The following ATP11B variants were observed in gnomAD, a reference collection of about 807,000 sequenced individuals.
ATP11B encodes ATPase phospholipid transporting 11B (putative).
ATP11B carries 81 observed loss-of-function variants against 157.8 expected under a neutral mutation model. The observed-to-expected ratio is 0.51, with a 90% CI of 0.43 to 0.62. ATP11B has a LOEUF of 0.62. Ranked by LOEUF, ATP11B falls within the 20% of genes least tolerant of loss-of-function variation. ATP11B has a pLI of 0.00. For missense variants in ATP11B, 1,165 were observed against 1,402.2 expected, an observed-to-expected ratio of 0.83 and a Z score of 2.70; for synonymous variants, 451 against 469.4, an observed-to-expected ratio of 0.96 and a Z score of 0.51.
intron 1 of ATP11B, among the ~76,000 whole-genome samples, chr3:182,815,985 C>T (rs1431976110): frequency 6.6e-6 from 1 of 152,126 alleles, no homozygotes; most frequent in Non-Finnish European, 1.5e-5. Context: ...CTCCAGGTCT[C>T]ATTCAGTTTG....
chr3:182,861,065 C>T (rs1006562442), intron 12 of ATP11B, among the ~76,000 whole-genome samples: 59 of 137,422 alleles, frequency 4.3e-4, no homozygotes, highest in Non-Finnish European at 7.6e-4. Flanking sequence ...AACAATAATA[C>T]TTTTTTTTTT....
intron 10 of ATP11B, among the ~76,000 whole-genome samples, chr3:182,850,459 C>T (rs1000940175): frequency 4.0e-5 from 6 of 151,514 alleles, no homozygotes; most frequent in Admixed American, 6.6e-5. Flanking sequence ...GGCAACAGAG[C>T]GAGACTCCAT....
chr3:182,858,360 A>G (rs566226916), intron 11 of ATP11B, among the ~76,000 whole-genome samples: 64 of 152,342 alleles, frequency 4.2e-4, no homozygotes, highest in African/African-American at 1.5e-3. Context: ...TAAATGAATC[A>G]AAGAGTAAAT....
At chr3:182,886,117 C>G in intron 23 of ATP11B, 107 bp downstream of exon 23, 1 of 622,706 alleles carries the variant, frequency 1.6e-6, no homozygotes, top group Admixed American at 3.5e-5. Flanking sequence ...TTTCTTAGTC[C>G]TGCAGGGAAC....
intron 4 of ATP11B, among the ~76,000 whole-genome samples, chr3:182,835,240 T>C (rs1316021519): frequency 6.6e-6 from 1 of 152,174 alleles, no homozygotes; most frequent in Non-Finnish European, 1.5e-5. Flanking sequence ...TACAAACCTG[T>C]GTTGTTCAAG....
chr3:182,914,358 T>G, intron 29 of ATP11B: 2 of 971,166 alleles, frequency 2.1e-6, no homozygotes, highest in Non-Finnish European at 2.4e-6. Flanking sequence ...TTTTTAAAAT[T>G]TTTTTGCTTT....
intron 19 of ATP11B, among the ~76,000 whole-genome samples, chr3:182,879,211 G>T (rs1722253177): frequency 6.6e-6 from 1 of 152,156 alleles, no homozygotes. Context: ...CAAGGCTGCA[G>T]TGAGCCACTA....
At chr3:182,901,262 C>A (rs576338664) in intron 28 of ATP11B, among the ~76,000 whole-genome samples, 73 of 148,842 alleles carry the variant, frequency 4.9e-4, no homozygotes, top group African/African-American at 1.8e-3. Flanking sequence ...ACTCAGGAGA[C>A]TAAGGCATGA....
intron 1 of ATP11B, among the ~76,000 whole-genome samples, chr3:182,802,419 T>C (rs1436637986): frequency 2.0e-5 from 3 of 152,166 alleles, no homozygotes; most frequent in East Asian, 1.9e-4. Flanking sequence ...CTGCTTGATC[T>C]GTATGCCAAC....
At position 182,866,398 on chromosome 3, in the gene ATP11B, A is replaced by G. The variant is rs1193344390; in HGVS notation, c.1574A>G (p.Tyr525Cys). Reference sequence around the variant, plus strand: ...CTGGCACCATCGCAGTTGGAGTACTATGCATCTTCACCAGATGAAAAGGCT... The same window carrying G: ...CTGGCACCATCGCAGTTGGAGTACTGTGCATCTTCACCAGATGAAAAGGCT... ...SNLAPSQLEY[Y>C]ASSPDEKALV... is the part of the protein sequence containing the mutation. The change falls in exon 14 of 30, where the codon TAT becomes TGT. Residue 525 changes from tyrosine to cysteine, a missense_variant. By Grantham distance (194) the Tyr-to-Cys change is radical (BLOSUM62 -2). This residue lies in a region of ATP11B where 737 missense variants were observed against 930.5 expected (regional missense o/e 0.79). Coordinates refer to ENST00000323116, the MANE Select transcript of ATP11B (RefSeq NM_014616.3). The G allele has an allele frequency of 1.2e-5, 19 of 1,613,266 alleles. No homozygotes were observed. The highest frequency in any genetic ancestry group is 1.5e-5 in the Non-Finnish European group (18 of 1,179,532).
chr3:182,884,624 A>C (rs7646086), intron 21 of ATP11B, 129 bp from the exon 22 acceptor site: 11 of 799,870 alleles, frequency 1.4e-5, no homozygotes, highest in South Asian at 4.7e-5. Context: ...GACATCTGCT[A>C]TCTGCTGTAT....
At chr3:182,806,951 A>G (rs1461197248) in intron 1 of ATP11B, among the ~76,000 whole-genome samples, 1 of 152,110 alleles carries the variant, frequency 6.6e-6, no homozygotes, top group Non-Finnish European at 1.5e-5. Context: ...TTGAACTTCA[A>G]ACTGCTTATT....
chr3:182,894,964 A>G (rs913383646), intron 25 of ATP11B, among the ~76,000 whole-genome samples: 1 of 73,678 alleles, frequency 1.4e-5, no homozygotes, highest in South Asian at 4.6e-4. Flanking sequence ...TAAAAAATAC[A>G]AAAAAAAAAA....
chr3:182,813,648 C>T (rs977723470), intron 1 of ATP11B, among the ~76,000 whole-genome samples: 29 of 152,214 alleles, frequency 1.9e-4, no homozygotes, highest in South Asian at 6.2e-4. Context: ...TCTACAGAAC[C>T]GCTTTAAAAT....
intron 4 of ATP11B, among the ~76,000 whole-genome samples, chr3:182,830,371 CTCTTA>C (rs1470505399): frequency 6.6e-6 from 1 of 151,482 alleles, no homozygotes; most frequent in Admixed American, 6.6e-5. Flanking sequence ...TTACAACTTT[CTCTTA>C]TGAGTTTAGT....
intron 28 of ATP11B, among the ~76,000 whole-genome samples, chr3:182,905,627 T>G (rs1479746769): frequency 6.6e-6 from 1 of 152,242 alleles, no homozygotes; most frequent in Non-Finnish European, 1.5e-5. Context: ...GTGTTCCCCT[T>G]AAGAAGTTCC....
At chr3:182,859,948 C>CTT (rs5854959) in intron 12 of ATP11B, among the ~76,000 whole-genome samples, 12 of 144,322 alleles carry the variant, frequency 8.3e-5, no homozygotes, top group African/African-American at 2.8e-4. Context: ...CCCTGCCTTC[C>CTT]TTTTTTTTTT....
chr3:182,874,642 T>C (rs1166122431), intron 19 of ATP11B, among the ~76,000 whole-genome samples: 2 of 152,210 alleles, frequency 1.3e-5, no homozygotes, highest in Non-Finnish European at 2.9e-5. Context: ...ATAAATCTCA[T>C]TACATACAGT....
chr3:182,908,303 G>A lies in ATP11B; in HGVS notation c.3319-5558G>A, dbSNP rs190366631. On this transcript the variant is annotated intron_variant, in intron 28 of 29. Transcript: ENST00000323116. ...TGGCTCAATGCGACCTCCACCTCCT[G>A]GGTTCAAGCAGTTCTCCTGCCTCAG... Among the ~76,000 whole-genome samples the A allele has an allele frequency of 3.4e-4, 50 of 148,194 alleles. No homozygotes were observed. In the East Asian group the frequency reaches 9.1e-3, roughly 27 times the overall value.
Sources: gnomAD v4.1 joint callset for allele counts (sites outside exome capture counted in the v4.1 genomes callset) on GRCh38, gnomAD v4.1.1 for gene constraint, gnomAD v4.1.1 regional missense constraint, MANE v1.5 for transcripts, NCBI Gene and HGNC (gene_info 2026-07-23, HGNC 2026-07-21) for gene names.